The following CACNA1B variants were observed in gnomAD, a reference collection of about 807,000 sequenced individuals.
CACNA1B encodes voltage-dependent N-type calcium channel subunit alpha-1B.
CACNA1B carries 70 observed loss-of-function variants against 247.2 expected under a neutral mutation model. The ratio of observed to expected loss-of-function variants is 0.28; its 90% CI spans 0.23 to 0.35. The LOEUF (loss-of-function observed/expected upper bound fraction) is 0.35. Ranked by LOEUF, CACNA1B falls within the 10% of genes least tolerant of loss-of-function variation. The pLI is 1.00. For synonymous variants in CACNA1B, 1,231 were observed against 1,294.4 expected, an observed-to-expected ratio of 0.95 and a Z score of 1.05; for missense variants, 2,367 against 3,197.4, an observed-to-expected ratio of 0.74 and a Z score of 6.26.
intron 21 of CACNA1B, among the ~76,000 whole-genome samples, chr9:138,044,320 A>G (rs1026529082): frequency 6.6e-6 from 1 of 151,816 alleles, no homozygotes; most frequent in Non-Finnish European, 1.5e-5. Context: ...TTCATCATCC[A>G]CTCTTCAGTC....
At chr9:138,022,971 G>A in intron 18 of CACNA1B, 40 bp from the exon 19 acceptor site, 2 of 1,451,794 alleles carry the variant, frequency 1.4e-6, no homozygotes, top group Non-Finnish European at 1.8e-6. Flanking sequence ...CGGCGGGCGG[G>A]CGGCAGACGG....
intron 10 of CACNA1B, among the ~76,000 whole-genome samples, chr9:137,959,567 C>G (rs956086907): frequency 1.3e-5 from 2 of 151,066 alleles, no homozygotes; most frequent in African/African-American, 4.9e-5. Context: ...AACTGTGAAT[C>G]TATATAATCC....
intron 6 of CACNA1B, among the ~76,000 whole-genome samples, chr9:137,939,732 G>GA (rs1433216619): frequency 4.0e-5 from 6 of 151,894 alleles, no homozygotes; most frequent in African/African-American, 1.5e-4. Flanking sequence ...GAACCCGGGA[G>GA]GCGGAGCTTG....
chr9:137,999,271 C>A (rs1486125487), intron 15 of CACNA1B, among the ~76,000 whole-genome samples: 1 of 152,036 alleles, frequency 6.6e-6, no homozygotes, highest in Non-Finnish European at 1.5e-5. Flanking sequence ...TGCTGTCCTG[C>A]AGAGCACAAC....
intron 6 of CACNA1B, among the ~76,000 whole-genome samples, chr9:137,933,297 C>T (rs984787858): frequency 2.0e-5 from 3 of 151,884 alleles, no homozygotes; most frequent in Admixed American, 6.6e-5. Flanking sequence ...ATGATCTGCC[C>T]GCCTTGGCCT....
chr9:138,090,831 A>G (rs1257207563), intron 36 of CACNA1B, among the ~76,000 whole-genome samples: 1 of 151,924 alleles, frequency 6.6e-6, no homozygotes, highest in Admixed American at 6.6e-5. Context: ...CAACATCTCT[A>G]ATCATCAGGG....
At chr9:138,091,388 G>T (rs916042529) in intron 36 of CACNA1B, among the ~76,000 whole-genome samples, 4 of 152,196 alleles carry the variant, frequency 2.6e-5, no homozygotes, top group Non-Finnish European at 4.4e-5. Context: ...GGCAGGGAAG[G>T]TTAGGAGGAT....
intron 3 of CACNA1B, among the ~76,000 whole-genome samples, chr9:137,901,174 C>G (rs992656437): frequency 2.0e-5 from 3 of 147,768 alleles, no homozygotes; most frequent in Non-Finnish European, 4.5e-5. Context: ...CTGTGTGTCT[C>G]TGTGTCCCTG....
chr9:137,995,475 A>G (rs912240440), intron 15 of CACNA1B, among the ~76,000 whole-genome samples: 1 of 152,224 alleles, frequency 6.6e-6, no homozygotes, highest in African/African-American at 2.4e-5. Context: ...ATAATTGGCA[A>G]GCCACAGGTA....
At chr9:137,965,066 C>T (rs1477743275) in intron 10 of CACNA1B, among the ~76,000 whole-genome samples, 1 of 152,252 alleles carries the variant, frequency 6.6e-6, no homozygotes, top group Non-Finnish European at 1.5e-5. Context: ...CTGCCGCATC[C>T]TCTATAAGCT....
In CACNA1B at chr9:138,006,859, C is replaced by T. The variant is rs2133413211; in HGVS notation, c.2067C>T (p.Phe689=). ...VSKGMFSSFY[F]IVLTLFGNYT... ...AAGGCATGTTCTCGTCCTTTTACTT[C>T]ATTGTCCTGACACTGTTCGGAAACT... The change falls in exon 16 of 47, where the codon TTC becomes TTT. Residue 689 remains phenylalanine (F), a synonymous_variant. Coordinates refer to ENST00000371372, the MANE Select transcript of CACNA1B (RefSeq NM_000718.4). The T allele has an allele frequency of 6.2e-7, 1 of 1,601,662 alleles. No individual in the cohort carries two copies. Among genetic ancestry groups the T allele is most frequent in the African/African-American group, 1.3e-5 (1 of 74,764 alleles).
chr9:138,073,709 G>A lies in CACNA1B; in HGVS notation c.4791+105G>A. 1.4e-6 allele frequency: 1 copy of A among 737,548 alleles called. No homozygotes were observed. The highest frequency in any genetic ancestry group is 2.4e-6 in the Non-Finnish European group (1 of 413,750). 45.7% of individuals were successfully genotyped at this position (737,548 alleles called of 1,614,324 possible). A position where few individuals can be genotyped will look rare whatever the true frequency, so the allele number is the denominator to read the frequency against. ...CCTTTGGGAGGCTGGGAGAGGGTATGGCATGCAGGTTTCGTGGTTGTATGC... is the reference window on the plus strand; with the variant it reads ...CCTTTGGGAGGCTGGGAGAGGGTATAGCATGCAGGTTTCGTGGTTGTATGC... On this transcript the variant is annotated intron_variant, in intron 33 of 46. Coordinates refer to ENST00000371372, the MANE Select transcript of CACNA1B (RefSeq NM_000718.4). This position sits in a 1 kb window ranked among gnomAD's most constrained non-coding sequence, Gnocchi z 6.4.
At chr9:138,005,887 C>A (rs1056775441) in intron 15 of CACNA1B, among the ~76,000 whole-genome samples, 1 of 151,850 alleles carries the variant, frequency 6.6e-6, no homozygotes, top group East Asian at 1.9e-4. Flanking sequence ...ACTAAAAATA[C>A]AAAAAATTAG....
intron 44 of CACNA1B, among the ~76,000 whole-genome samples, chr9:138,119,764 G>A (rs1222024831): frequency 6.6e-6 from 1 of 152,178 alleles, no homozygotes; most frequent in Non-Finnish European, 1.5e-5. Context: ...GGCTGTGGGT[G>A]AGTTTACCTG....
chr9:137,933,385 C>G (rs528806915), intron 6 of CACNA1B, among the ~76,000 whole-genome samples: 4 of 152,132 alleles, frequency 2.6e-5, no homozygotes, highest in Non-Finnish European at 5.9e-5. Context: ...AGGACCGGAC[C>G]AGAATTTTCG....
rs549342019 is a variant in CACNA1B, at chr9:138,111,007, A to G, written c.5429-1391A>G. Among the ~76,000 whole-genome samples the G allele has an allele frequency of 7.2e-5, 11 of 151,930 alleles. No homozygotes were observed. In the South Asian group the frequency reaches 2.3e-3, roughly 32 times the overall value. ...AAAAAAAAAACCACAACGAGATTAC[A>G]CTCCAGTCTACTGGAGTTGCCAAAA... On this transcript the variant is annotated intron_variant, in intron 39 of 46. Transcript: ENST00000371372.
chr9:138,099,741 C>T (rs78427382), intron 37 of CACNA1B, among the ~76,000 whole-genome samples: 3,223 of 151,236 alleles, frequency 0.021, 116 homozygotes, highest in African/African-American at 0.074. Flanking sequence ...GCCTGTGGTG[C>T]GCATGTGCCT....
In CACNA1B at chr9:138,112,645, C is replaced by T; in HGVS notation, c.5536+140C>T. On this transcript the variant is annotated intron_variant, in intron 40 of 46. Transcript: ENST00000371372. ...TGGGCTCACCTCCTCATGAATCTGC[C>T]CTCAGCTCCAACCAAGAGAGCCCTG... 3.1e-6 allele frequency: 2 copies of T among 639,662 alleles called. 1 individual carries two copies. The highest frequency in any genetic ancestry group is 3.7e-5 in the South Asian group (2 of 54,408). The allele number at this position is 639,662 out of a possible 1,614,324, so 39.6% of individuals were successfully genotyped here.
At chr9:138,067,983 G>T (rs945069907) in intron 31 of CACNA1B, among the ~76,000 whole-genome samples, 5 of 152,202 alleles carry the variant, frequency 3.3e-5, no homozygotes, top group African/African-American at 1.2e-4. Context: ...GTGAAAATAC[G>T]CAAATGATGT....
Sources: gnomAD v4.1 joint callset for allele counts (sites outside exome capture counted in the v4.1 genomes callset) on GRCh38, gnomAD v4.1.1 for gene constraint, Gnocchi (gnomAD v3.1) non-coding constraint, MANE v1.5 for transcripts, NCBI Gene and HGNC (gene_info 2026-07-23, HGNC 2026-07-21) for gene names.